The following PTK2 variants were observed in gnomAD, a reference collection of about 807,000 sequenced individuals.
PTK2 encodes focal adhesion kinase 1.
PTK2 carries 45 observed loss-of-function variants against 150.1 expected under a neutral mutation model. The ratio of observed to expected loss-of-function variants is 0.30; its 90% CI spans 0.24 to 0.38. The LOEUF is 0.38. PTK2 is among the 10% of genes least tolerant of loss of function. PTK2 has a pLI of 1.00. For synonymous variants in PTK2, 432 were observed against 449.2 expected (o/e 0.96, Z 0.48); for missense variants, 919 against 1,307.3 (o/e 0.70, Z 4.58).
chr8:140,763,843 G>C (rs1363030097), intron 15 of PTK2, among the ~76,000 whole-genome samples: 1 of 152,108 alleles, frequency 6.6e-6, no homozygotes, highest in African/African-American at 2.4e-5. Context: ...GGGTATACGT[G>C]TGTGTATGTA....
chr8:140,682,395 C>G lies in PTK2; in HGVS notation c.2562+4237G>C, dbSNP rs1259018824. 2.0e-5 allele frequency among the ~76,000 whole-genome samples: 3 copies of G among 152,008 alleles called. No homozygotes were observed. In the East Asian group the frequency reaches 5.8e-4, roughly 29 times the overall value. On this transcript the variant is annotated intron_variant, in intron 27 of 31. Coordinates refer to ENST00000522684, the Ensembl canonical transcript of PTK2. ...AAAACAAAAACGAAAACAACAACAACAAAAAATTTAGCAAATGACAGCGTG... is the reference window on the plus strand; with the variant it reads ...AAAACAAAAACGAAAACAACAACAAGAAAAAATTTAGCAAATGACAGCGTG...
intron 1 of PTK2, among the ~76,000 whole-genome samples, chr8:140,968,437 T>C (rs1168613407): frequency 1.3e-5 from 2 of 152,132 alleles, no homozygotes; most frequent in Non-Finnish European, 2.9e-5. Flanking sequence ...CTAAGAACTA[T>C]ATATCACATT....
At chr8:140,775,488 A>AAAAAAC (rs1488849937) in intron 14 of PTK2, among the ~76,000 whole-genome samples, 1 of 152,030 alleles carries the variant, frequency 6.6e-6, no homozygotes. Flanking sequence ...CTGCCTTAAA[A>AAAAAAC]AAAAACAAAA....
chr8:140,672,881 G>C (rs1202738350), intron 29 of PTK2, among the ~76,000 whole-genome samples: 1 of 152,196 alleles, frequency 6.6e-6, no homozygotes, highest in African/African-American at 2.4e-5. Flanking sequence ...GTGTAACCTT[G>C]AACAAACTGC....
intron 2 of PTK2, among the ~76,000 whole-genome samples, chr8:140,916,279 C>T (rs892820749): frequency 4.2e-4 from 64 of 152,298 alleles, no homozygotes; most frequent in Middle Eastern, 3.4e-3. Context: ...TGGCTTGTTT[C>T]TAGTGGGCCT....
intron 23 of PTK2, among the ~76,000 whole-genome samples, chr8:140,713,438 T>C (rs1265601642): frequency 1.3e-5 from 2 of 152,208 alleles, no homozygotes; most frequent in Non-Finnish European, 2.9e-5. Context: ...AATTTTTGTA[T>C]TTTTAGTTGA....
At chr8:140,932,862 C>CTTA (rs1555411948) in intron 1 of PTK2, among the ~76,000 whole-genome samples, 1 of 150,024 alleles carries the variant, frequency 6.7e-6, no homozygotes, top group Non-Finnish European at 1.5e-5. Context: ...CTTCCTTCCC[C>CTTA]TTTTTTTGAG....
At chr8:140,699,099 T>G (rs2100028658) in intron 26 of PTK2, among the ~76,000 whole-genome samples, 1 of 152,080 alleles carries the variant, frequency 6.6e-6, no homozygotes, top group African/African-American at 2.4e-5. Flanking sequence ...TTTTCCCATC[T>G]GCCTTACAAT....
At position 140,977,149 on chromosome 8, in the gene PTK2, G is replaced by C. The variant is rs187549526; in HGVS notation, c.-122+23976C>G. ...TCCTGCCTGTAAATCCAGCACTTTGGGAGGCCAAGGCGGGAAGACTGCTTA... is the reference window on the plus strand; with the variant it reads ...TCCTGCCTGTAAATCCAGCACTTTGCGAGGCCAAGGCGGGAAGACTGCTTA... On this transcript the variant is annotated intron_variant, in intron 1 of 31. Transcript: ENST00000522684. Among the ~76,000 whole-genome samples the C allele has an allele frequency of 4.6e-5, 7 of 152,288 alleles. No homozygotes were observed. The East Asian group carries it at 9.6e-4, about 21-fold the overall frequency.
At chr8:140,910,199 T>A (rs181208275) in intron 2 of PTK2, among the ~76,000 whole-genome samples, 3 of 152,306 alleles carry the variant, frequency 2.0e-5, no homozygotes, top group Admixed American at 2.0e-4. Context: ...CAGTATTTTG[T>A]TTCTTAGAAA....
chr8:140,779,683 G>T (rs1297178737), intron 14 of PTK2, among the ~76,000 whole-genome samples: 1 of 152,150 alleles, frequency 6.6e-6, no homozygotes, highest in African/African-American at 2.4e-5. Flanking sequence ...GTATGCAGAG[G>T]GTATGCCAGC....
At chr8:140,773,016 A>G (rs1427774729) in intron 14 of PTK2, among the ~76,000 whole-genome samples, 1 of 152,214 alleles carries the variant, frequency 6.6e-6, no homozygotes, top group Non-Finnish European at 1.5e-5. Flanking sequence ...GAGGTTGGGA[A>G]AGGATTCCAT....
chr8:140,946,149 T>C (rs200452736), intron 1 of PTK2, among the ~76,000 whole-genome samples: 6 of 152,006 alleles, frequency 3.9e-5, no homozygotes, highest in East Asian at 1.9e-4. Context: ...TGGAAACTAA[T>C]TGAGAGGCCC....
chr8:140,959,311 A>G (rs2100182259), intron 1 of PTK2, among the ~76,000 whole-genome samples: 1 of 151,178 alleles, frequency 6.6e-6, no homozygotes, highest in Non-Finnish European at 1.5e-5. Context: ...AGGGCGGATC[A>G]TGAGGTCAGG....
intron 4 of PTK2, among the ~76,000 whole-genome samples, chr8:140,870,576 T>C (rs1338142208): frequency 6.6e-6 from 1 of 152,068 alleles, no homozygotes. Context: ...TCAAAGACAA[T>C]GGACACAGAT....
exon 24 of PTK2, chr8:140,706,194 C>T (rs770003565): frequency 7.4e-6 from 12 of 1,612,612 alleles, no homozygotes; most frequent in Non-Finnish European, 9.3e-6. Context: ...TGGGATAACC[C>T]GGTCTGCTGG....
chr8:140,705,903 G>A (rs1022437730), intron 24 of PTK2, among the ~76,000 whole-genome samples: 7 of 152,222 alleles, frequency 4.6e-5, no homozygotes, highest in Non-Finnish European at 1.0e-4. Context: ...GCAGGCCCTG[G>A]TCCTGCCCAC....
At chr8:140,916,001 C>G (rs1173601764) in intron 2 of PTK2, among the ~76,000 whole-genome samples, 2 of 152,074 alleles carry the variant, frequency 1.3e-5, no homozygotes, top group Non-Finnish European at 2.9e-5. Flanking sequence ...AACTAGCAGT[C>G]TCTTCCCCAA....
rs189984975 is a variant in PTK2 at position 140,763,936 on chromosome 8, T to C, written c.1234+298A>G. On this transcript the variant is annotated intron_variant, in intron 15 of 31. Transcript: ENST00000522684. ...ATATATACTTAACCAATAATACTAA[T>C]TTTCTACAGACAGAAAATACCCTAA... Among the ~76,000 whole-genome samples the C allele has an allele frequency of 2.6e-5, 4 of 152,274 alleles. No individual in the cohort carries two copies. The East Asian group carries it at 7.7e-4, about 29-fold the overall frequency.
Sources: allele counts gnomAD v4.1 joint callset (sites outside exome capture counted in the v4.1 genomes callset), GRCh38; gene constraint gnomAD v4.1.1; transcripts MANE v1.5; gene names NCBI Gene and HGNC (gene_info 2026-07-23, HGNC 2026-07-21).